CHSY1: variants seen among roughly 807,000 people sequenced by gnomAD.
CHSY1 encodes the protein N-acetylgalactosaminyl-proteoglycan 3-beta-glucuronosyltransferase 1.
In CHSY1, 13 loss-of-function variants were observed where a neutral mutation model predicts 59.8. The observed-to-expected ratio is 0.22, with a 90% CI of 0.14 to 0.35. The LOEUF (loss-of-function observed/expected upper bound fraction) is 0.35, where lower values mean the gene tolerates loss of function less well. Ranked by LOEUF, CHSY1 falls within the 10% of genes least tolerant of loss-of-function variation. CHSY1 has a pLI of 1.00. For synonymous variants in CHSY1, 459 were observed against 401.2 expected, an observed-to-expected ratio of 1.14 and a Z score of -1.72; for missense variants, 947 against 1,030.6, an observed-to-expected ratio of 0.92 and a Z score of 1.11.
chr15:101,206,356 A>G (rs1305684820), intron 2 of CHSY1, among the ~76,000 whole-genome samples: 1 of 152,156 alleles, frequency 6.6e-6, no homozygotes, highest in African/African-American at 2.4e-5. Context: ...TCCACTGAAG[A>G]GAACCACTGA....
At chr15:101,225,232 T>C (rs2038828824) in intron 2 of CHSY1, among the ~76,000 whole-genome samples, 1 of 148,888 alleles carries the variant, frequency 6.7e-6, no homozygotes, top group African/African-American at 2.4e-5. Context: ...AATACCCAGC[T>C]GATTTTTTTT....
intron 2 of CHSY1, among the ~76,000 whole-genome samples, chr15:101,184,440 G>A (rs1382113212): frequency 6.6e-6 from 1 of 151,500 alleles, no homozygotes; most frequent in Non-Finnish European, 1.5e-5. Context: ...GAGTGCAGTG[G>A]TGTGATCTCA....
Position 101,177,373 on chromosome 15 carries a change from C to T in CHSY1, c.*15G>A. 6.3e-7 allele frequency: 1 copy of T among 1,593,988 alleles called. No individual in the cohort carries two copies. Among genetic ancestry groups the T allele is most frequent in the Non-Finnish European group, 8.5e-7 (1 of 1,174,012 alleles). On this transcript the variant is annotated 3_prime_UTR_variant, in exon 3 of 3. Transcript: ENST00000254190. Reference sequence around the variant, plus strand: ...ATTAGATAATTAAAAACGTCTTTTCCAGCAAAGCTGGACATTAGGCTGTCC... The same window carrying T: ...ATTAGATAATTAAAAACGTCTTTTCTAGCAAAGCTGGACATTAGGCTGTCC...
At chr15:101,241,340 C>T (rs755583972) in intron 1 of CHSY1, among the ~76,000 whole-genome samples, 1 of 152,226 alleles carries the variant, frequency 6.6e-6, no homozygotes, top group East Asian at 1.9e-4. Flanking sequence ...CCGCCCACCT[C>T]GGCCTCCCAA....
At chr15:101,217,332 CACAT>C (rs1442675793) in intron 2 of CHSY1, among the ~76,000 whole-genome samples, 1 of 152,162 alleles carries the variant, frequency 6.6e-6, no homozygotes, top group Non-Finnish European at 1.5e-5. Flanking sequence ...TACAGATCGT[CACAT>C]ACAGAAATAT....
At chr15:101,194,890 CAAGAAGAT>C (rs2038488026) in intron 2 of CHSY1, among the ~76,000 whole-genome samples, 1 of 152,146 alleles carries the variant, frequency 6.6e-6, no homozygotes, top group African/African-American at 2.4e-5. Flanking sequence ...CTTCTGATGC[CAAGAAGAT>C]AAGATCTCAT....
intron 2 of CHSY1, among the ~76,000 whole-genome samples, chr15:101,192,880 A>G (rs2038461889): frequency 6.6e-6 from 1 of 152,224 alleles, no homozygotes; most frequent in South Asian, 2.1e-4. Flanking sequence ...ACTGTCAGCC[A>G]GCCCTTTCAC....
At chr15:101,213,790 G>C (rs533852858) in intron 2 of CHSY1, among the ~76,000 whole-genome samples, 7 of 152,178 alleles carry the variant, frequency 4.6e-5, no homozygotes, top group Non-Finnish European at 1.0e-4. Context: ...ACGAAGAAAA[G>C]CAAACTCCCA....
At position 101,178,395 on chromosome 15, in the gene CHSY1, T is replaced by G. The variant is rs753995803; in HGVS notation, c.1402A>C (p.Arg468=). 2 of 1,612,268 alleles carry G rather than the reference T, an allele frequency of 1.2e-6. No homozygotes were observed. The highest frequency in any genetic ancestry group is 2.7e-5 in the African/African-American group (2 of 75,006). ...GTCTGCTGTAAATACGCGTGCCTCC[T>G]CACAGGGACCGTCATTTTCTTCCCT... ...HKGKKMTVPV[R]RHAYLQQTFS... Residue 468 remains arginine, a synonymous_variant, in exon 3 of 3, where the codon AGG becomes CGG. Coordinates refer to ENST00000254190, the MANE Select transcript of CHSY1 (RefSeq NM_014918.5).
intron 2 of CHSY1, among the ~76,000 whole-genome samples, chr15:101,205,924 C>T (rs2038621757): frequency 6.6e-6 from 1 of 151,820 alleles, no homozygotes; most frequent in South Asian, 2.1e-4. Context: ...TACACTCCAG[C>T]CTGGGCGAAA....
intron 1 of CHSY1, among the ~76,000 whole-genome samples, chr15:101,240,641 G>A (rs1203233716): frequency 6.6e-6 from 1 of 152,164 alleles, no homozygotes; most frequent in African/African-American, 2.4e-5. Flanking sequence ...TAATTCAGCT[G>A]GACCAGTATT....
intron 2 of CHSY1, among the ~76,000 whole-genome samples, chr15:101,195,503 G>A (rs143362078): frequency 6.6e-6 from 1 of 152,192 alleles, no homozygotes; most frequent in Non-Finnish European, 1.5e-5. Context: ...TCAACCGAAA[G>A]CTACAAACTT....
rs528773452 is a variant in CHSY1, at chr15:101,240,776, C to A, written c.321-5199G>T. ...CCTTGAGCGGGATATAAATAACTCC[C>A]ACAAGCTTAGCGTTCCAATAATGGA... is the stretch of plus-strand genomic sequence containing the variant. On this transcript the variant is annotated intron_variant, in intron 1 of 2. Transcript: ENST00000254190. 1.2e-4 allele frequency among the ~76,000 whole-genome samples: 18 copies of A among 152,330 alleles called. No individual in the cohort carries two copies. In the South Asian group the frequency reaches 3.3e-3, roughly 28 times the overall value.
chr15:101,186,606 T>C (rs1183888464), intron 2 of CHSY1: 2 of 151,838 alleles, frequency 1.3e-5, no homozygotes, highest in East Asian at 3.9e-4. Context: ...GGATTCAAGA[T>C]GAGCTTGGGC....
At chr15:101,181,688 T>C (rs920619946) in intron 2 of CHSY1, among the ~76,000 whole-genome samples, 2 of 152,220 alleles carry the variant, frequency 1.3e-5, no homozygotes, top group Admixed American at 6.5e-5. Context: ...ACAGAGGTAT[T>C]CTTAGAACAC....
intron 1 of CHSY1, among the ~76,000 whole-genome samples, chr15:101,249,836 T>C (rs1377117273): frequency 6.6e-6 from 1 of 152,214 alleles, no homozygotes; most frequent in Non-Finnish European, 1.5e-5. Context: ...GTATTTACAA[T>C]ACCTGCATTC....
chr15:101,189,175 C>G (rs1040160861), intron 2 of CHSY1, among the ~76,000 whole-genome samples: 2 of 152,226 alleles, frequency 1.3e-5, no homozygotes, highest in African/African-American at 4.8e-5. Flanking sequence ...AGTCCCAGCC[C>G]GGGCCTGCCA....
intron 2 of CHSY1, among the ~76,000 whole-genome samples, chr15:101,217,893 G>A (rs570160926): frequency 3.9e-5 from 6 of 152,302 alleles, no homozygotes; most frequent in Admixed American, 3.3e-4. Flanking sequence ...AGTATGTAAA[G>A]GAGGGGAAAG....
chr15:101,194,506 T>C (rs918023614), intron 2 of CHSY1, among the ~76,000 whole-genome samples: 12 of 152,256 alleles, frequency 7.9e-5, no homozygotes, highest in African/African-American at 2.4e-4. Flanking sequence ...ACAACAGCTA[T>C]CCAGCCATTA....
Sources: allele counts gnomAD v4.1 joint callset (sites outside exome capture counted in the v4.1 genomes callset), GRCh38; gene constraint gnomAD v4.1.1; transcripts MANE v1.5; gene names NCBI Gene and HGNC (gene_info 2026-07-23, HGNC 2026-07-21).